The following PEBP4 variants were observed in gnomAD, a reference collection of about 807,000 sequenced individuals.
PEBP4 encodes phosphatidylethanolamine-binding protein 4.
PEBP4 carries 22 observed loss-of-function variants against 23.9 expected under a neutral mutation model. The ratio of observed to expected loss-of-function variants is 0.92; its 90% confidence interval spans 0.66 to 1.31. The LOEUF (loss-of-function observed/expected upper bound fraction) is 1.31, where lower values mean the gene tolerates loss of function less well. Among genes scored for constraint, PEBP4 ranks in the 40% most tolerant of loss-of-function variants. PEBP4 has a pLI of 0.00. For synonymous variants in PEBP4, 112 were observed against 99.3 expected (o/e 1.13, Z -0.76); for missense variants, 324 against 281.7 (o/e 1.15, Z -1.07).
intron 4 of PEBP4, among the ~76,000 whole-genome samples, chr8:22,785,932 C>A (rs1429044416): frequency 6.6e-6 from 1 of 152,228 alleles, no homozygotes; most frequent in Non-Finnish European, 1.5e-5. Flanking sequence ...TTCTGTACCC[C>A]TGGATAGGTG....
chr8:22,807,987 A>G (rs1806536889), intron 4 of PEBP4, among the ~76,000 whole-genome samples: 1 of 150,854 alleles, frequency 6.6e-6, no homozygotes, highest in African/African-American at 2.4e-5. Context: ...TCACCTAACC[A>G]ATGTCTATCC....
At chr8:22,773,329 C>G (rs529696724) in intron 4 of PEBP4, among the ~76,000 whole-genome samples, 2 of 152,170 alleles carry the variant, frequency 1.3e-5, no homozygotes, top group Non-Finnish European at 2.9e-5. Context: ...TAACCTGGCT[C>G]GTTAAGAGGG....
At chr8:22,841,975 G>A (rs982240437) in intron 3 of PEBP4, among the ~76,000 whole-genome samples, 1 of 152,242 alleles carries the variant, frequency 6.6e-6, no homozygotes, top group Non-Finnish European at 1.5e-5. Context: ...GCAAGAGAGA[G>A]GGAGAGGCCA....
intron 3 of PEBP4, among the ~76,000 whole-genome samples, chr8:22,906,614 C>T (rs946070298): frequency 2.6e-5 from 4 of 152,256 alleles, no homozygotes; most frequent in African/African-American, 9.6e-5. Context: ...ACATGGGTGG[C>T]TGAGATGACT....
chr8:22,880,583 G>T, intron 3 of PEBP4: 1 of 152,448 alleles, frequency 6.6e-6, no homozygotes, highest in Non-Finnish European at 1.5e-5. Context: ...TCCCTTCACT[G>T]AGCAGGTGCC....
chr8:22,783,966 G>A lies in PEBP4; in HGVS notation c.357+33671C>T, dbSNP rs184875776. On this transcript the variant is annotated intron_variant, in intron 4 of 6. Transcript: ENST00000256404. Reference sequence around the variant, plus strand: ...TTTTCAAGCACTTCCTGCCCACCAGGAGGGGAAGAGATCACTGGCTTTGGA... The same window carrying A: ...TTTTCAAGCACTTCCTGCCCACCAGAAGGGGAAGAGATCACTGGCTTTGGA... Among the ~76,000 whole-genome samples the A allele has an allele frequency of 7.2e-3, 1,084 of 150,622 alleles. 22 individuals are homozygous for A. Among genetic ancestry groups the A allele is most frequent in the African/African-American group, 0.025 (1,032 of 40,820 alleles).
chr8:22,866,708 A>C (rs1807909968), intron 3 of PEBP4, among the ~76,000 whole-genome samples: 1 of 152,100 alleles, frequency 6.6e-6, no homozygotes, highest in Admixed American at 6.5e-5. Flanking sequence ...ATAAACACAC[A>C]GGAAAAAAAC....
intron 4 of PEBP4, among the ~76,000 whole-genome samples, chr8:22,760,323 A>G (rs1246355103): frequency 2.6e-5 from 4 of 152,112 alleles, no homozygotes; most frequent in Admixed American, 6.5e-5. Flanking sequence ...CCACTAAATT[A>G]TATTGCCTCC....
At chr8:22,906,686 A>C (rs1384909469) in intron 3 of PEBP4, among the ~76,000 whole-genome samples, 4 of 152,234 alleles carry the variant, frequency 2.6e-5, no homozygotes, top group Non-Finnish European at 4.4e-5. Context: ...TGGCATTGAC[A>C]GGTTGACATA....
intron 1 of PEBP4, among the ~76,000 whole-genome samples, chr8:22,937,028 A>G (rs1479808679): frequency 6.6e-6 from 1 of 152,212 alleles, no homozygotes; most frequent in Non-Finnish European, 1.5e-5. Flanking sequence ...TTCCTCTAAG[A>G]TCAGGAACAA....
At chr8:22,925,463 G>A in intron 2 of PEBP4, 1 of 435,914 alleles carries the variant, frequency 2.3e-6, no homozygotes, top group Non-Finnish European at 3.0e-6. Flanking sequence ...TAATCTCTGG[G>A]GATTCTTCAT....
intron 3 of PEBP4, chr8:22,884,238 C>T (rs1192748005): frequency 6.6e-6 from 1 of 152,168 alleles, no homozygotes; most frequent in Non-Finnish European, 1.5e-5. Flanking sequence ...CCTGGTTCTA[C>T]CACCTAGTTA....
At chr8:22,738,105 G>T (rs1022486021) in intron 4 of PEBP4, among the ~76,000 whole-genome samples, 2 of 152,192 alleles carry the variant, frequency 1.3e-5, no homozygotes, top group African/African-American at 4.8e-5. Context: ...TGTTGGGCCT[G>T]CCCCGCTGGG....
chr8:22,867,296 G>A (rs1807924408), intron 3 of PEBP4, among the ~76,000 whole-genome samples: 1 of 152,162 alleles, frequency 6.6e-6, no homozygotes, highest in African/African-American at 2.4e-5. Flanking sequence ...AAAGTGCTGG[G>A]TGGAGATCAT....
At position 22,817,652 on chromosome 8, in the gene PEBP4, C is replaced by A. The variant is rs1350329989; in HGVS notation, c.342G>T (p.Leu114=). ...EPRQRFWRHW[L]VTDIKGADLK... is the part of the protein sequence containing the mutation. ...GCCTGCTTACCTTGATATCTGTTAC[C>A]AGCCAATGTCTCCAGAATCTCTGTC... The change falls in exon 4 of 7, where the codon CTG becomes CTT. Residue 114 remains leucine, a synonymous_variant. Coordinates refer to ENST00000256404, the MANE Select transcript of PEBP4 (RefSeq NM_144962.3). The A allele has an allele frequency of 1.2e-6, 2 of 1,614,084 alleles. No homozygotes were observed. Among genetic ancestry groups the A allele is most frequent in the Admixed American group, 1.7e-5 (1 of 60,026 alleles).
chr8:22,767,809 G>C lies in PEBP4; in HGVS notation c.358-40589C>G, dbSNP rs545175507. Among the ~76,000 whole-genome samples, 32 of 151,974 alleles carry C rather than the reference G, an allele frequency of 2.1e-4. 1 individual carries two copies. The highest frequency in any genetic ancestry group is 1.1e-3 in the Admixed American group (17 of 15,270). ...TGGCTCTGTTGCCCACGCTGGGCTC[G>C]GCTCACTGCAACCTCCGTCTCCCAG... On this transcript the variant is annotated intron_variant, in intron 4 of 6. Transcript: ENST00000256404.
At position 22,811,348 on chromosome 8, in the gene PEBP4, A is replaced by G. The variant is rs549895533; in HGVS notation, c.357+6289T>C. Among the ~76,000 whole-genome samples the G allele has an allele frequency of 5.9e-5, 9 of 152,366 alleles. No homozygotes were observed. In the South Asian group the frequency reaches 6.2e-4, roughly 11 times the overall value. On this transcript the variant is annotated intron_variant, in intron 4 of 6. Transcript: ENST00000256404. Reference sequence around the variant, plus strand: ...GGCTCTTATCTCCAAATAATTTCACATCGCAAATTACCATGAAAACCTAAA... The same window carrying G: ...GGCTCTTATCTCCAAATAATTTCACGTCGCAAATTACCATGAAAACCTAAA...
At chr8:22,729,922 T>C (rs551844638) in intron 4 of PEBP4, among the ~76,000 whole-genome samples, 1 of 152,130 alleles carries the variant, frequency 6.6e-6, no homozygotes, top group South Asian at 2.1e-4. Flanking sequence ...ATTTCTACCA[T>C]AGAATCAACA....
At chr8:22,802,576 G>T (rs1806408582) in intron 4 of PEBP4, among the ~76,000 whole-genome samples, 1 of 152,238 alleles carries the variant, frequency 6.6e-6, no homozygotes, top group Non-Finnish European at 1.5e-5. Context: ...CACTAGAGAA[G>T]TAGGTTCCCA....
Sources: gnomAD v4.1 joint callset for allele counts (sites outside exome capture counted in the v4.1 genomes callset) on GRCh38, gnomAD v4.1.1 for gene constraint, MANE v1.5 for transcripts, NCBI Gene and HGNC (gene_info 2026-07-23, HGNC 2026-07-21) for gene names.